The following KANK1 variants were observed in gnomAD, a reference collection of about 807,000 sequenced individuals.
The protein encoded by KANK1 is KN motif and ankyrin repeat domain-containing protein 1.
In KANK1, 109 loss-of-function variants were observed where a neutral mutation model predicts 106.2. The ratio of observed to expected loss-of-function variants is 1.03; its 90% confidence interval spans 0.88 to 1.20. KANK1 has a LOEUF of 1.20. Among genes scored for constraint, KANK1 ranks in the 50% most tolerant of loss-of-function variants. The probability of loss-of-function intolerance (pLI) is 0.00; values close to 1 mark genes in which losing one functional copy is unlikely to be tolerated. For missense variants in KANK1, 2,399 were observed against 1,710.7 expected, an observed-to-expected ratio of 1.40 and a Z score of -7.10; for synonymous variants, 873 against 652.2, an observed-to-expected ratio of 1.34 and a Z score of -5.16.
intron 1 of KANK1, among the ~76,000 whole-genome samples, chr9:634,202 A>G (rs1836504014): frequency 6.6e-6 from 1 of 152,170 alleles, no homozygotes; most frequent in African/African-American, 2.4e-5. Context: ...AGGCTCAGAG[A>G]GTTAGGGCTC....
chr9:738,469 C>G lies in KANK1; in HGVS notation c.3518C>G (p.Ser1173Cys), dbSNP rs1834394722. ...NTALHYSVSH[S>C]NFEIVKLLLD... ...GCCCTCCATTACAGCGTGTCCCACT[C>G]CAACTTCGAGATTGTGAAGCTGCTG... Residue 1173 changes from serine to cysteine, a missense_variant, in exon 8 of 12, where the codon TCC becomes TGC. Coordinates refer to ENST00000382297, the MANE Select transcript of KANK1 (RefSeq NM_015158.5). The G allele has an allele frequency of 1.9e-6, 3 of 1,614,168 alleles. No individual in the cohort carries two copies. Among genetic ancestry groups the G allele is most frequent in the Non-Finnish European group, 2.5e-6 (3 of 1,180,014 alleles).
At chr9:495,617 G>C (rs557229229) in intron 3 of KANK1, 1 of 152,198 alleles carries the variant, frequency 6.6e-6, no homozygotes, top group South Asian at 2.1e-4. Flanking sequence ...ACTTCATCAG[G>C]TCATGAGGTT....
At position 688,554 on chromosome 9, in the gene KANK1, C is replaced by T. The variant is rs539778062; in HGVS notation, c.37+11545C>T. ...CCGAGAGGTGGAGGTCGCAGTGAGC[C>T]GAGATCTGCACTTCAGCCTGAGCGA... is the stretch of plus-strand genomic sequence containing the variant. On this transcript the variant is annotated intron_variant, in intron 2 of 11. Transcript: ENST00000382297. Among the ~76,000 whole-genome samples the T allele has an allele frequency of 7.7e-4, 117 of 151,156 alleles. 2 individuals are homozygous for T. Among genetic ancestry groups the T allele is most frequent in the South Asian group, 6.3e-3 (30 of 4,752 alleles).
chr9:738,259 C>A (rs1413540641), intron 7 of KANK1, 26 bp from the exon 8 acceptor site: 25 of 1,587,372 alleles, frequency 1.6e-5, no homozygotes, highest in Non-Finnish European at 1.7e-5. Flanking sequence ...AATAGAAGAA[C>A]TAACGACCAC....
rs1469560459 is a variant in KANK1 at position 712,525 on chromosome 9, G to C, written c.1759G>C (p.Glu587Gln). 1 of 1,614,210 alleles carries C rather than the reference G, an allele frequency of 6.2e-7. No individual in the cohort carries two copies. The highest frequency in any genetic ancestry group is 8.5e-7 in the Non-Finnish European group (1 of 1,180,050). ...MHDRCAGRSVEMCDKSVSVEV... is the reference protein window; with the variant it reads ...MHDRCAGRSVQMCDKSVSVEV... ...TGACCGATGTGCTGGGAGGTCTGTGGAAATGTGTGACAAGAGTGTGAGTGT... is the reference window on the plus strand; with the variant it reads ...TGACCGATGTGCTGGGAGGTCTGTGCAAATGTGTGACAAGAGTGTGAGTGT... The change falls in exon 3 of 12, where the codon GAA (glutamate) becomes CAA (glutamine). Residue 587 changes from glutamate (E) to glutamine (Q), a missense_variant. Physicochemically the swap from Glu to Gln is conservative, Grantham distance 29. Transcript: ENST00000382297.
At chr9:504,963 G>C (rs955996397) in intron 1 of KANK1, among the ~76,000 whole-genome samples, 3 of 151,008 alleles carry the variant, frequency 2.0e-5, no homozygotes, top group Admixed American at 6.6e-5. Flanking sequence ...GCGGTCCTGG[G>C]GGGGGGTCCG....
chr9:634,748 G>A (rs978410203), intron 1 of KANK1, among the ~76,000 whole-genome samples: 1 of 152,176 alleles, frequency 6.6e-6, no homozygotes, highest in Non-Finnish European at 1.5e-5. Flanking sequence ...AGCCTGTGAG[G>A]CCAGAAGCAA....
chr9:740,987 G>A (rs1430926050), intron 9 of KANK1, 53 bp downstream of exon 9: 3 of 1,596,306 alleles, frequency 1.9e-6, no homozygotes, highest in Non-Finnish European at 2.6e-6. Flanking sequence ...CAGCAGACAG[G>A]ACTGCGGTGG....
intron 1 of KANK1, among the ~76,000 whole-genome samples, chr9:545,724 CTTTTTTTTTTTTTTTTT>C (rs61622402): frequency 1.9e-5 from 2 of 102,688 alleles, no homozygotes; most frequent in Non-Finnish European, 3.7e-5. Context: ...TGTACAGAGC[CTTTTTTTTTTTTTTTTT>C]TTTTTTTTTT....
intron 3 of KANK1, among the ~76,000 whole-genome samples, chr9:719,389 C>T (rs562602121): frequency 7.9e-5 from 12 of 152,244 alleles, no homozygotes; most frequent in African/African-American, 2.4e-4. Context: ...TCAGTCCTAC[C>T]TGTTCTCAAT....
chr9:544,515 C>A (rs539285657), intron 1 of KANK1, among the ~76,000 whole-genome samples: 2 of 152,292 alleles, frequency 1.3e-5, no homozygotes, highest in East Asian at 1.9e-4. Context: ...GACCGGCCAA[C>A]AAACACTATG....
chr9:651,006 C>G (rs2031178), intron 1 of KANK1, among the ~76,000 whole-genome samples: 23,150 of 152,062 alleles, frequency 0.15, 2,753 homozygotes, highest in East Asian at 0.32. Context: ...CTAAATAAAG[C>G]AACAGGGCCA....
At chr9:709,469 TTGTC>T (rs1202822713) in intron 2 of KANK1, among the ~76,000 whole-genome samples, 5 of 152,308 alleles carry the variant, frequency 3.3e-5, no homozygotes, top group African/African-American at 7.2e-5. Context: ...GCTGCTGACT[TTGTC>T]TGTCTGCTAC....
intron 2 of KANK1, among the ~76,000 whole-genome samples, chr9:694,346 T>A (rs1464577472): frequency 6.6e-6 from 1 of 152,246 alleles, no homozygotes; most frequent in Non-Finnish European, 1.5e-5. Context: ...CACATTTCTT[T>A]TTTACGCTTA....
At chr9:744,100 G>A (rs951197454) in intron 10 of KANK1, among the ~76,000 whole-genome samples, 1 of 152,164 alleles carries the variant, frequency 6.6e-6, no homozygotes. Flanking sequence ...GGATCACAGT[G>A]CCCTCTCTAA....
At position 713,191 on chromosome 9, in the gene KANK1, G is replaced by C; in HGVS notation, c.2425G>C (p.Glu809Gln). ...VGDDPVGESL[E>Q]NPQPQAPLGM... ...GGATGACCCTGTAGGGGAATCTCTG[G>C]AGAACCCCCAGCCTCAAGCTCCACT... The change falls in exon 3 of 12, where the codon GAG becomes CAG. Residue 809 changes from glutamate to glutamine, a missense_variant. Transcript: ENST00000382297. The C allele has an allele frequency of 6.3e-7, 1 of 1,585,254 alleles. No individual in the cohort carries two copies. The highest frequency in any genetic ancestry group is 8.6e-7 in the Non-Finnish European group (1 of 1,165,848).
At chr9:663,093 A>T (rs7870677) in intron 1 of KANK1, among the ~76,000 whole-genome samples, 10 of 152,166 alleles carry the variant, frequency 6.6e-5, no homozygotes, top group Admixed American at 4.6e-4. Flanking sequence ...TCAATTTAAG[A>T]GTTGATCAGA....
At chr9:684,560 A>G in intron 2 of KANK1, 1 of 985,452 alleles carries the variant, frequency 1.0e-6, no homozygotes, top group Non-Finnish European at 1.2e-6. Context: ...GCTCTTCCTC[A>G]GCAGACTTCT....
chr9:508,010 G>A (rs564119909), intron 1 of KANK1, among the ~76,000 whole-genome samples: 15 of 151,454 alleles, frequency 9.9e-5, no homozygotes, highest in Admixed American at 5.3e-4. Context: ...TGTTAGAGAC[G>A]GGGGTTTTAC....
Sources: gnomAD v4.1 joint callset for allele counts (sites outside exome capture counted in the v4.1 genomes callset) on GRCh38, gnomAD v4.1.1 for gene constraint, MANE v1.5 for transcripts, NCBI Gene and HGNC (gene_info 2026-07-23, HGNC 2026-07-21) for gene names.